The following GRM7 variants were observed in gnomAD, a reference collection of about 807,000 sequenced individuals.
The protein encoded by GRM7 is glutamate metabotropic receptor 7.
GRM7 carries 35 observed loss-of-function variants against 84.5 expected under a neutral mutation model. The ratio of observed to expected loss-of-function variants is 0.41; its 90% confidence interval spans 0.32 to 0.55. The LOEUF is 0.55. Among genes scored for constraint, GRM7 ranks in the 20% least tolerant of loss-of-function variants. GRM7 has a pLI of 0.19. For synonymous variants in GRM7, 487 were observed against 455.1 expected, an observed-to-expected ratio of 1.07 and a Z score of -0.89; for missense variants, 1,003 against 1,194.6, an observed-to-expected ratio of 0.84 and a Z score of 2.36.
intron 1 of GRM7, among the ~76,000 whole-genome samples, chr3:7,106,493 T>C (rs944257773): frequency 6.6e-6 from 1 of 152,122 alleles, no homozygotes; most frequent in Non-Finnish European, 1.5e-5. Flanking sequence ...ATGTGAATGA[T>C]AATTTTTAAG....
chr3:7,307,293 G>C (rs967488781), intron 4 of GRM7, among the ~76,000 whole-genome samples: 2 of 151,948 alleles, frequency 1.3e-5, no homozygotes, highest in Non-Finnish European at 2.9e-5. Context: ...AAAATTTGCC[G>C]ATTATAAGTT....
chr3:6,881,285 C>T (rs1695498540), intron 1 of GRM7, among the ~76,000 whole-genome samples: 1 of 152,082 alleles, frequency 6.6e-6, no homozygotes, highest in Admixed American at 6.6e-5. Flanking sequence ...TAATGCTCTC[C>T]CTTCCCTCAC....
At chr3:7,281,185 A>G (rs1261094880) in intron 2 of GRM7, among the ~76,000 whole-genome samples, 1 of 152,210 alleles carries the variant, frequency 6.6e-6, no homozygotes, top group African/African-American at 2.4e-5. Context: ...CGTAGGAAAT[A>G]AAGTGTATGT....
intron 1 of GRM7, among the ~76,000 whole-genome samples, chr3:7,061,916 C>G (rs953922096): frequency 8.6e-5 from 13 of 151,572 alleles, no homozygotes; most frequent in African/African-American, 2.9e-4. Flanking sequence ...TAGCATATTC[C>G]CTGCCCCTAA....
chr3:7,695,054 G>GTATT (rs1240922009), intron 9 of GRM7, among the ~76,000 whole-genome samples: 1 of 152,096 alleles, frequency 6.6e-6, no homozygotes, highest in Non-Finnish European at 1.5e-5. Context: ...GTTTTTCATG[G>GTATT]TATTAAAATG....
Position 7,634,490 on chromosome 3 carries a change from AAAAAAAAAAAAAG to A in GRM7, c.2452-45558_2452-45546del, listed in dbSNP as rs1480819376. On this transcript the variant is annotated intron_variant, in intron 8 of 9. Coordinates refer to ENST00000357716, the MANE Select transcript of GRM7 (RefSeq NM_000844.4). ...TTGCACTTTTTTTCCAAAAAAAAAA[AAAAAAAAAAAAAG>A]GGCTGGGCTCCATGGCTCACGCCTG... Among the ~76,000 whole-genome samples, 964 of 130,016 alleles carry A rather than the reference AAAAAAAAAAAAAG, an allele frequency of 7.4e-3. 24 individuals carry two copies. Among genetic ancestry groups the A allele is most frequent in the African/African-American group, 0.023 (867 of 36,942 alleles). The allele number at this position is 130,016 out of a possible 152,430, so 85.3% of individuals were successfully genotyped here.
intron 4 of GRM7, among the ~76,000 whole-genome samples, chr3:7,359,630 T>G (rs1212713242): frequency 6.7e-6 from 1 of 148,282 alleles, no homozygotes; most frequent in African/African-American, 2.6e-5. Context: ...TGAGCCACCA[T>G]GCCAGGTCAA....
Position 7,704,435 on chromosome 3 carries a change from GTATT to G in GRM7, c.2698+24142_2698+24145del, listed in dbSNP as rs573863217. Among the ~76,000 whole-genome samples the G allele has an allele frequency of 9.9e-5, 15 of 152,140 alleles. No homozygotes were observed. In the East Asian group the frequency reaches 2.7e-3, roughly 27 times the overall value. ...TGAGTGAATGATAAAAAGTTTGAGAGTATTTTTTTCTATAATTCAGAAATGTGTA... is the reference window on the plus strand; with the variant it reads ...TGAGTGAATGATAAAAAGTTTGAGAGTTTTTCTATAATTCAGAAATGTGTA... On this transcript the variant is annotated intron_variant, in intron 9 of 9. Transcript: ENST00000357716.
At position 7,578,827 on chromosome 3, in the gene GRM7, A is replaced by G. The variant is rs754534261; in HGVS notation, c.1921A>G (p.Ile641Val). 1 of 1,614,134 alleles carries G rather than the reference A, an allele frequency of 6.2e-7. No individual in the cohort carries two copies. The highest frequency in any genetic ancestry group is 8.5e-7 in the Non-Finnish European group (1 of 1,180,024). The change falls in exon 8 of 10, where the codon ATC becomes GTC. Residue 641 changes from isoleucine (I) to valine (V), a missense_variant. Physicochemically the swap from Ile to Val is conservative, Grantham distance 29. Coordinates refer to ENST00000357716, the MANE Select transcript of GRM7 (RefSeq NM_000844.4). The stretch of plus-strand genomic sequence containing the variant: ...TTTGACGGGCATCTTTCTTTGCTAC[A>G]TCATCACTTTCCTGATGATTGCCAA... ...VLLTGIFLCY[I>V]ITFLMIAKPD...
chr3:7,194,114 A>T (rs1036716041), intron 2 of GRM7, among the ~76,000 whole-genome samples: 3 of 152,082 alleles, frequency 2.0e-5, no homozygotes, highest in Non-Finnish European at 2.9e-5. Flanking sequence ...TTAGAAAAAA[A>T]ATATTGTATA....
At chr3:6,956,333 C>G (rs1378930805) in intron 1 of GRM7, among the ~76,000 whole-genome samples, 1 of 152,166 alleles carries the variant, frequency 6.6e-6, no homozygotes, top group Non-Finnish European at 1.5e-5. Context: ...GGAGAGATGA[C>G]AGTGTGCTGC....
intron 7 of GRM7, among the ~76,000 whole-genome samples, chr3:7,503,881 T>C (rs540556549): frequency 2.0e-5 from 3 of 152,278 alleles, no homozygotes; most frequent in Admixed American, 2.0e-4. Context: ...TAGGTCAAAA[T>C]GCTGCAACAT....
chr3:7,069,863 T>C (rs1476972154), intron 1 of GRM7, among the ~76,000 whole-genome samples: 1 of 152,126 alleles, frequency 6.6e-6, no homozygotes, highest in East Asian at 1.9e-4. Flanking sequence ...CTCCTAGTGG[T>C]GACTTAACCC....
intron 1 of GRM7, among the ~76,000 whole-genome samples, chr3:7,046,238 T>G (rs34896801): frequency 0.019 from 2,818 of 152,248 alleles, 58 homozygotes; most frequent in Non-Finnish European, 0.021. Flanking sequence ...GTTTGTTTGT[T>G]TGCTATTGAA....
intron 5 of GRM7, among the ~76,000 whole-genome samples, chr3:7,439,257 T>C (rs1051975545): frequency 5.9e-5 from 9 of 152,162 alleles, no homozygotes; most frequent in African/African-American, 2.2e-4. Flanking sequence ...AAAAAATCTT[T>C]GGAAGCTGGA....
chr3:7,491,670 G>A (rs1284662138), intron 7 of GRM7, among the ~76,000 whole-genome samples: 3 of 152,148 alleles, frequency 2.0e-5, no homozygotes, highest in Non-Finnish European at 4.4e-5. Flanking sequence ...TGTGGCAGTT[G>A]GAGTTGGATG....
intron 9 of GRM7, among the ~76,000 whole-genome samples, chr3:7,719,975 G>A (rs758929082): frequency 6.6e-6 from 1 of 152,136 alleles, no homozygotes; most frequent in Non-Finnish European, 1.5e-5. Flanking sequence ...AGTAAATGAA[G>A]ATAATGGTTG....
chr3:7,677,617 A>G (rs1700186969), intron 8 of GRM7, among the ~76,000 whole-genome samples: 1 of 152,200 alleles, frequency 6.6e-6, no homozygotes, highest in Non-Finnish European at 1.5e-5. Flanking sequence ...GTCACCAGAG[A>G]CTGCAAAATT....
At chr3:7,006,007 A>G (rs535197576) in intron 1 of GRM7, among the ~76,000 whole-genome samples, 1 of 152,286 alleles carries the variant, frequency 6.6e-6, no homozygotes, top group East Asian at 1.9e-4. Flanking sequence ...CCATATGGCT[A>G]AGATAGAGGA....
Sources: allele counts gnomAD v4.1 joint callset (sites outside exome capture counted in the v4.1 genomes callset), GRCh38; gene constraint gnomAD v4.1.1; transcripts MANE v1.5; gene names NCBI Gene and HGNC (gene_info 2026-07-23, HGNC 2026-07-21).